Variants in RPGRIP1L observed in about 807,000 individuals in gnomAD.
RPGRIP1L encodes the protein protein fantom.
RPGRIP1L carries 131 observed loss-of-function variants against 160.4 expected under a neutral mutation model. The ratio of observed to expected loss-of-function variants is 0.82; its 90% CI spans 0.71 to 0.94. The LOEUF (loss-of-function observed/expected upper bound fraction) is 0.94. RPGRIP1L is among the 40% of genes least tolerant of loss of function. The probability of loss-of-function intolerance (pLI) is 0.00; values close to 1 mark genes in which losing one functional copy is unlikely to be tolerated. For synonymous variants in RPGRIP1L, 510 were observed against 515.8 expected, an observed-to-expected ratio of 0.99 and a Z score of 0.15; for missense variants, 1,522 against 1,535.8, an observed-to-expected ratio of 0.99 and a Z score of 0.15.
chr16:53,632,882 A>AGG (rs1965608029), intron 22 of RPGRIP1L, among the ~76,000 whole-genome samples: 1 of 152,158 alleles, frequency 6.6e-6, no homozygotes, highest in Non-Finnish European at 1.5e-5. Context: ...ATGCTGACTT[A>AGG]GGGACCCCTT....
rs1248094007 is a variant in RPGRIP1L at position 53,600,266 on chromosome 16, CAAAG to C, written c.*1806_*1809del. 1.3e-5 allele frequency: 2 copies of C among 152,476 alleles called. No homozygotes were observed. Among genetic ancestry groups the C allele is most frequent in the Admixed American group, 1.3e-4 (2 of 15,250 alleles). The allele number at this position is 152,476 out of a possible 1,614,324, so 9.4% of individuals were successfully genotyped here. On this transcript the variant is annotated 3_prime_UTR_variant, in exon 27 of 27. Coordinates refer to ENST00000647211, the MANE Select transcript of RPGRIP1L (RefSeq NM_015272.5). ...TAATGACACTGTAACTGCATAAAGC[CAAAG>C]AAAGCTAGAAAAAGGGGCCAAAAAA...
chr16:53,698,492 T>TG (rs1971052195), intron 2 of RPGRIP1L, among the ~76,000 whole-genome samples: 1 of 96,012 alleles, frequency 1.0e-5, no homozygotes, highest in African/African-American at 4.2e-5. Flanking sequence ...AGGAGGGAGG[T>TG]TGGGGGGTCA....
chr16:53,676,006 T>A (rs1398774418), intron 6 of RPGRIP1L, among the ~76,000 whole-genome samples: 1 of 152,156 alleles, frequency 6.6e-6, no homozygotes, highest in African/African-American at 2.4e-5. Context: ...GTAAAAAATT[T>A]AAAATCAGAG....
Position 53,601,787 on chromosome 16 carries a change from A to G in RPGRIP1L, c.*289T>C. ...GGTTCTTCCTAAGAAAATGTTGAAAATGCAAATAGACTTTCTCACGCTATC... is the reference window on the plus strand; with the variant it reads ...GGTTCTTCCTAAGAAAATGTTGAAAGTGCAAATAGACTTTCTCACGCTATC... On this transcript the variant is annotated 3_prime_UTR_variant, in exon 27 of 27. Coordinates refer to ENST00000647211, the MANE Select transcript of RPGRIP1L (RefSeq NM_015272.5). 3.6e-6 allele frequency: 1 copy of G among 277,070 alleles called. No individual in the cohort carries two copies. Among genetic ancestry groups the G allele is most frequent in the South Asian group, 7.1e-5 (1 of 14,020 alleles). The allele number at this position is 277,070 out of a possible 1,614,324, so 17.2% of individuals were successfully genotyped here.
chr16:53,676,987 A>G (rs2151271299), intron 6 of RPGRIP1L, among the ~76,000 whole-genome samples: 1 of 152,300 alleles, frequency 6.6e-6, no homozygotes, highest in Non-Finnish European at 1.5e-5. Context: ...ATAACCATTA[A>G]TTACAGTAAC....
At chr16:53,692,495 C>A in intron 3 of RPGRIP1L, 131 bp from the exon 4 acceptor site, 2 of 813,628 alleles carry the variant, frequency 2.5e-6, no homozygotes, top group South Asian at 3.0e-5. Flanking sequence ...TTTGATGTAA[C>A]TATTACTGCC....
intron 4 of RPGRIP1L, among the ~76,000 whole-genome samples, chr16:53,689,525 A>G (rs879293623): frequency 6.6e-6 from 1 of 152,192 alleles, no homozygotes; most frequent in Admixed American, 6.5e-5. Flanking sequence ...TATTGTTTCT[A>G]TATTACATTG....
intron 24 of RPGRIP1L, among the ~76,000 whole-genome samples, chr16:53,616,231 G>A (rs954310068): frequency 3.9e-5 from 6 of 152,140 alleles, no homozygotes; most frequent in Admixed American, 3.9e-4. Flanking sequence ...GAAGATGTAA[G>A]TCTACATTAT....
chr16:53,622,977 T>C (rs1964837818), intron 22 of RPGRIP1L, among the ~76,000 whole-genome samples: 1 of 151,970 alleles, frequency 6.6e-6, no homozygotes, highest in South Asian at 2.1e-4. Flanking sequence ...CTATGCACTG[T>C]AGCCTGGGTG....
At chr16:53,625,946 T>C (rs1005067219) in intron 22 of RPGRIP1L, among the ~76,000 whole-genome samples, 9 of 151,762 alleles carry the variant, frequency 5.9e-5, no homozygotes, top group African/African-American at 1.9e-4. Context: ...GAAGGCAGCA[T>C]GCTCGTTAAG....
intron 2 of RPGRIP1L, among the ~76,000 whole-genome samples, chr16:53,697,644 G>C (rs956086930): frequency 2.6e-4 from 40 of 152,284 alleles, no homozygotes; most frequent in African/African-American, 9.1e-4. Flanking sequence ...GATTGCAGAC[G>C]GTGTCTGGTT....
At chr16:53,634,880 G>A (rs1459275710) in intron 22 of RPGRIP1L, among the ~76,000 whole-genome samples, 2 of 152,174 alleles carry the variant, frequency 1.3e-5, no homozygotes, top group East Asian at 1.9e-4. Context: ...GGAAACATAG[G>A]ATGCTGGTCA....
intron 6 of RPGRIP1L, 24 bp downstream of exon 6, chr16:53,686,409 A>G: frequency 4.3e-6 from 7 of 1,609,818 alleles, no homozygotes; most frequent in Non-Finnish European, 5.9e-6. Context: ...ACCTTATCAA[A>G]GTGATATTTC....
At chr16:53,603,299 T>C (rs1963480445) in intron 26 of RPGRIP1L, among the ~76,000 whole-genome samples, 1 of 152,222 alleles carries the variant, frequency 6.6e-6, no homozygotes, top group Admixed American at 6.5e-5. Context: ...GTAAGTCTGA[T>C]AGCACTTATC....
At chr16:53,630,890 G>A (rs1448350657) in intron 22 of RPGRIP1L, among the ~76,000 whole-genome samples, 7 of 151,852 alleles carry the variant, frequency 4.6e-5, no homozygotes, top group South Asian at 2.1e-4. Flanking sequence ...CCGCCAACAC[G>A]CCCGGCTAAT....
In RPGRIP1L at chr16:53,645,823, T is replaced by C; in HGVS notation, c.2485A>G (p.Ile829Val). 5 of 1,614,154 alleles carry C rather than the reference T, an allele frequency of 3.1e-6. No homozygotes were observed. The highest frequency in any genetic ancestry group is 4.2e-6 in the Non-Finnish European group (5 of 1,180,020). ...FFDFADHDTA[I>V]IPSSNDPQFD... is the part of the protein sequence containing the mutation. ...TGTGGATCATTGCTACTGGGAATGA[T>C]AGCTGTATCATGGTCTGCAAAATCA... Residue 829 changes from isoleucine (I) to valine (V), a missense_variant, in exon 17 of 27, where the codon ATC (isoleucine) becomes GTC (valine). Ile to Val is a conservative substitution (Grantham distance 29). Transcript: ENST00000647211.
chr16:53,655,771 T>G (rs909538847), intron 14 of RPGRIP1L, among the ~76,000 whole-genome samples: 5 of 152,210 alleles, frequency 3.3e-5, no homozygotes, highest in African/African-American at 4.8e-5. Flanking sequence ...TTAAACGAGT[T>G]CCTCAAGTGA....
intron 17 of RPGRIP1L, among the ~76,000 whole-genome samples, chr16:53,643,087 A>G (rs976403551): frequency 1.3e-5 from 2 of 152,176 alleles, no homozygotes; most frequent in African/African-American, 2.4e-5. Flanking sequence ...ACTTGAGGTC[A>G]GGAGTTTGAG....
At chr16:53,621,836 AT>A (rs1170597039) in intron 23 of RPGRIP1L, among the ~76,000 whole-genome samples, 1 of 143,796 alleles carries the variant, frequency 7.0e-6, no homozygotes, top group Non-Finnish European at 1.5e-5. Flanking sequence ...TCCTGGCTAA[AT>A]ATGGTGAAAC....
Sources: gnomAD v4.1 joint callset for allele counts (sites outside exome capture counted in the v4.1 genomes callset) on GRCh38, gnomAD v4.1.1 for gene constraint, MANE v1.5 for transcripts, NCBI Gene and HGNC (gene_info 2026-07-23, HGNC 2026-07-21) for gene names.